Variants in KLHL30 observed in about 807,000 individuals in gnomAD.
KLHL30 encodes kelch-like protein 30.
A neutral mutation model predicts 55.0 loss-of-function variants in KLHL30; 55 were observed. The observed-to-expected ratio is 1.00, with a 90% CI of 0.80 to 1.25. The LOEUF (loss-of-function observed/expected upper bound fraction) is 1.25, where lower values mean the gene tolerates loss of function less well. Ranked by LOEUF, KLHL30 falls within the 50% of genes most tolerant of loss-of-function variation. The pLI is 0.00. For synonymous variants in KLHL30, 356 were observed against 372.6 expected (o/e 0.96, Z 0.51); for missense variants, 786 against 811.6 (o/e 0.97, Z 0.38).
Position 238,150,846 on chromosome 2 carries a change from C to T in KLHL30, c.1518C>T (p.Gly506=), listed in dbSNP as rs545573277. 43 of 1,590,948 alleles carry T rather than the reference C, an allele frequency of 2.7e-5. No homozygotes were observed. Among genetic ancestry groups the T allele is most frequent in the Admixed American group, 2.3e-4 (13 of 56,932 alleles). Residue 506 remains glycine (G), a synonymous_variant, in exon 8 of 8, where the codon GGC becomes GGT. Coordinates refer to ENST00000409223, the MANE Select transcript of KLHL30 (RefSeq NM_198582.4). ...CACAGCACAGCCTGCATGAGAATGGCGCGCTGGTGCCACTGGGTGATGCGC... is the reference window on the plus strand; with the variant it reads ...CACAGCACAGCCTGCATGAGAATGGTGCGCTGGTGCCACTGGGTGATGCGC... ...VQSQHSLHEN[G]ALVPLGDALY...
chr2:238,144,876 C>T, intron 3 of KLHL30, 26 bp from the exon 4 acceptor site: 1 of 1,565,866 alleles, frequency 6.4e-7, no homozygotes, highest in South Asian at 1.1e-5. Context: ...GGCAGCCTGA[C>T]CCTTCTGCCT....
chr2:238,145,564 C>T (rs748912052), intron 4 of KLHL30, 113 bp from the exon 5 acceptor site: 128 of 1,259,926 alleles, frequency 1.0e-4, no homozygotes, highest in Middle Eastern at 5.3e-4. Flanking sequence ...TGGCTCACCA[C>T]GTTGGAGATC....
Position 238,145,850 on chromosome 2 carries a change from A to C in KLHL30, c.1150+18A>C, listed in dbSNP as rs528437080. ...TATCGGCGGTGAGGCCTTCCTCTCCACCCTTCCCTGGGGCCTGGTTCTAGC... is the reference window on the plus strand; with the variant it reads ...TATCGGCGGTGAGGCCTTCCTCTCCCCCCTTCCCTGGGGCCTGGTTCTAGC... On this transcript the variant is annotated intron_variant, in intron 5 of 7. Transcript: ENST00000409223. 2 of 1,576,152 alleles carry C rather than the reference A, an allele frequency of 1.3e-6. No homozygotes were observed. The highest frequency in any genetic ancestry group is 1.4e-5 in the African/African-American group (1 of 73,986).
chr2:238,150,982 C>T lies in KLHL30; in HGVS notation c.1654C>T (p.Leu552Phe). 3.8e-6 allele frequency: 6 copies of T among 1,590,958 alleles called. No homozygotes were observed. The highest frequency in any genetic ancestry group is 1.1e-5 in the South Asian group (1 of 87,336). ...TWTRHGALPR[L>F]WLYHGASTVF... is the part of the protein sequence containing the mutation. Reference sequence around the variant, plus strand: ...GACCCGCCACGGCGCCCTGCCCCGGCTCTGGCTCTACCACGGGGCCTCCAC... The same window carrying T: ...GACCCGCCACGGCGCCCTGCCCCGGTTCTGGCTCTACCACGGGGCCTCCAC... The change falls in exon 8 of 8, where the codon CTC becomes TTC. Residue 552 changes from leucine to phenylalanine, a missense_variant. By Grantham distance (22) the Leu-to-Phe change is conservative (BLOSUM62 0). Transcript: ENST00000409223.
In KLHL30 at chr2:238,147,562, T is replaced by A. The variant is rs969908410; in HGVS notation, c.1151-272T>A. Among the ~76,000 whole-genome samples, 1 of 151,722 alleles carries A rather than the reference T, an allele frequency of 6.6e-6. No individual in the cohort carries two copies. Among genetic ancestry groups the A allele is most frequent in the Non-Finnish European group, 1.5e-5 (1 of 67,882 alleles). On this transcript the variant is annotated intron_variant, in intron 5 of 7. Transcript: ENST00000409223. The surrounding 1 kb of genome is among the most constrained non-coding windows in gnomAD (Gnocchi z 5.8). ...TGGGGGCGGGCAGCCTCCTGACAGC[T>A]CCCCGCCACCCCGTTCCCAAACATC...
In KLHL30 at chr2:238,145,257, GGCT is replaced by G. The variant is rs1390355026; in HGVS notation, c.994+275_994+277del. Among the ~76,000 whole-genome samples the G allele has an allele frequency of 3.3e-5, 5 of 152,344 alleles. No individual in the cohort carries two copies. The East Asian group carries it at 5.8e-4, about 18-fold the overall frequency. On this transcript the variant is annotated intron_variant, in intron 4 of 7. Transcript: ENST00000409223. ...CTCCCGCTGAGTGCCACGCTGGCGTGGCTGCTGCAGGCCTTCAGCATGGGGTGC... is the reference window on the plus strand; with the variant it reads ...CTCCCGCTGAGTGCCACGCTGGCGTGGCTGCAGGCCTTCAGCATGGGGTGC...
chr2:238,150,358 A>C (rs1692731026), intron 7 of KLHL30, among the ~76,000 whole-genome samples: 1 of 151,098 alleles, frequency 6.6e-6, no homozygotes, highest in African/African-American at 2.4e-5. Context: ...TCACCCCACA[A>C]CCCCTCCCAG....
At chr2:238,143,046 G>T in intron 3 of KLHL30, 115 bp downstream of exon 3, 1 of 1,284,326 alleles carries the variant, frequency 7.8e-7, no homozygotes, top group Non-Finnish European at 1.0e-6. Flanking sequence ...GGAGCTGTGT[G>T]AGGCCCCTGT....
rs371977870 is a variant in KLHL30 at position 238,140,857 on chromosome 2, G to T, written c.103G>T (p.Val35Phe). 128 of 1,610,836 alleles carry T rather than the reference G, an allele frequency of 7.9e-5. No homozygotes were observed. The highest frequency in any genetic ancestry group is 1.0e-4 in the Non-Finnish European group (122 of 1,178,584). Residue 35 changes from valine to phenylalanine, a missense_variant, in exon 2 of 8, where the codon GTC becomes TTC. By Grantham distance (50) the Val-to-Phe change is conservative. Transcript: ENST00000409223. ...RLRSQPKLAD[V>F]TLLVGGRELP... ...GCGCTCTCAGCCCAAGCTGGCCGAC[G>T]TCACACTGCTGGTGGGCGGCCGGGA...
rs375058369 is a variant in KLHL30 at position 238,149,159 on chromosome 2, C to T, written c.1485+7C>T. On this transcript the variant is annotated splice_region_variant and intron_variant, in intron 7 of 7. Coordinates refer to ENST00000409223, the MANE Select transcript of KLHL30 (RefSeq NM_198582.4). ...GGCCAACCTGTGGCAGAAGGTGGGC[C>T]GCCCCCTCCCCCAACATGTGTGAGC... 8.1e-6 allele frequency: 13 copies of T among 1,612,190 alleles called. No individual in the cohort carries two copies. In the African/African-American group the frequency reaches 1.1e-4, roughly 13 times the overall value.
chr2:238,146,096 G>A (rs1692643648), intron 5 of KLHL30, among the ~76,000 whole-genome samples: 1 of 152,094 alleles, frequency 6.6e-6, no homozygotes, highest in African/African-American at 2.4e-5. Flanking sequence ...CAGCAAGATG[G>A]TGACTCAGGC....
chr2:238,151,256 A>C lies in KLHL30; in HGVS notation c.*191A>C. On this transcript the variant is annotated 3_prime_UTR_variant, in exon 8 of 8. Transcript: ENST00000409223. ...CTTGGTCTCTGTGGCCACCACACTAAACTCTGAGCTGAGCAGTGACAAGGG... is the reference window on the plus strand; with the variant it reads ...CTTGGTCTCTGTGGCCACCACACTACACTCTGAGCTGAGCAGTGACAAGGG... 5.2e-6 allele frequency: 4 copies of C among 766,236 alleles called. No homozygotes were observed. Among genetic ancestry groups the C allele is most frequent in the South Asian group, 1.9e-5 (1 of 53,192 alleles). 47.5% of individuals were successfully genotyped at this position (766,236 alleles called of 1,614,324 possible). A position where few individuals can be genotyped will look rare whatever the true frequency, so the allele number is the denominator to read the frequency against.
Position 238,147,733 on chromosome 2 carries a change from C to G in KLHL30, c.1151-101C>G. The G allele has an allele frequency of 1.5e-6, 1 of 685,070 alleles. No homozygotes were observed. Among genetic ancestry groups the G allele is most frequent in the Non-Finnish European group, 2.2e-6 (1 of 460,808 alleles). 42.4% of individuals were successfully genotyped at this position (685,070 alleles called of 1,614,324 possible). A position where few individuals can be genotyped will look rare whatever the true frequency, so the allele number is the denominator to read the frequency against. On this transcript the variant is annotated intron_variant, in intron 5 of 7. Transcript: ENST00000409223. This position sits in a 1 kb window ranked among gnomAD's most constrained non-coding sequence, Gnocchi z 5.8. Reference sequence around the variant, plus strand: ...TGTCTGTGAAATGGGGAGCCCACCCCACCTCCCACCACTTTGCTGCCTTAC... The same window carrying G: ...TGTCTGTGAAATGGGGAGCCCACCCGACCTCCCACCACTTTGCTGCCTTAC...
rs1279597825 is a variant in KLHL30 at position 238,151,886 on chromosome 2, C to T, written c.*821C>T. 1.6e-5 allele frequency: 16 copies of T among 985,322 alleles called. No homozygotes were observed. Among genetic ancestry groups the T allele is most frequent in the African/African-American group, 7.0e-5 (4 of 57,240 alleles). 61.0% of individuals were successfully genotyped at this position (985,322 alleles called of 1,614,324 possible). The stretch of plus-strand genomic sequence containing the variant: ...TAGAATGGAATTTCCCACCAGGGGA[C>T]GACTCTTGGGTGCATTGGTGGCAGC... On this transcript the variant is annotated 3_prime_UTR_variant, in exon 8 of 8. Transcript: ENST00000409223.
Position 238,150,865 on chromosome 2 carries a change from G to T in KLHL30, c.1537G>T (p.Asp513Tyr). 6.3e-7 allele frequency: 1 copy of T among 1,595,570 alleles called. No homozygotes were observed. The highest frequency in any genetic ancestry group is 8.5e-7 in the Non-Finnish European group (1 of 1,172,514). The change falls in exon 8 of 8, where the codon GAT (aspartate) becomes TAT (tyrosine). Residue 513 changes from aspartate (D) to tyrosine (Y), a missense_variant. Transcript: ENST00000409223. The part of the protein sequence containing the change: ...HENGALVPLG[D>Y]ALYVTGGRWQ... ...GAATGGCGCGCTGGTGCCACTGGGTGATGCGCTGTACGTGACGGGCGGCCG... is the reference window on the plus strand; with the variant it reads ...GAATGGCGCGCTGGTGCCACTGGGTTATGCGCTGTACGTGACGGGCGGCCG...
chr2:238,149,640 G>A (rs527255160), intron 7 of KLHL30, among the ~76,000 whole-genome samples: 5 of 152,308 alleles, frequency 3.3e-5, no homozygotes, highest in East Asian at 1.9e-4. Context: ...AGGTTCAGCC[G>A]GAGGGTACTA....
At chr2:238,148,727 C>T (rs1692693410) in intron 6 of KLHL30, among the ~76,000 whole-genome samples, 1 of 152,166 alleles carries the variant, frequency 6.6e-6, no homozygotes, top group South Asian at 2.1e-4. Flanking sequence ...GCACCCCCAC[C>T]ACAGGGAGAG....
chr2:238,151,208 C>T lies in KLHL30; in HGVS notation c.*143C>T, dbSNP rs75816560. 4.8e-3 allele frequency: 5,625 copies of T among 1,172,690 alleles called. 151 individuals are homozygous for T. Among genetic ancestry groups the T allele is most frequent in the East Asian group, 0.042 (1,643 of 38,796 alleles). 72.6% of individuals were successfully genotyped at this position (1,172,690 alleles called of 1,614,324 possible). A position where few individuals can be genotyped will look rare whatever the true frequency, so the allele number is the denominator to read the frequency against. ...GCTCAGGCCACCAGGGGTGATCAGA[C>T]GGCATGGCTTGGAGGACACAGCCTT... On this transcript the variant is annotated 3_prime_UTR_variant, in exon 8 of 8. Coordinates refer to ENST00000409223, the MANE Select transcript of KLHL30 (RefSeq NM_198582.4).
At chr2:238,145,095 C>A in intron 4 of KLHL30, 107 bp downstream of exon 4, 9 of 896,896 alleles carry the variant, frequency 1.0e-5, no homozygotes, top group East Asian at 2.6e-5. Context: ...CAAGGCTTGC[C>A]GAGGCCTTTC....
Sources: allele counts gnomAD v4.1 joint callset (sites outside exome capture counted in the v4.1 genomes callset), GRCh38; gene constraint gnomAD v4.1.1; non-coding constraint Gnocchi (gnomAD v3.1); transcripts MANE v1.5; gene names NCBI Gene and HGNC (gene_info 2026-07-23, HGNC 2026-07-21).